Variants in HORMAD2 observed in about 807,000 individuals in gnomAD.
HORMAD2 encodes HORMA domain-containing protein 2.
A neutral mutation model predicts 38.8 loss-of-function variants in HORMAD2; 45 were observed. The ratio of observed to expected loss-of-function variants is 1.16; its 90% CI spans 0.91 to 1.49. The LOEUF is 1.49. Among genes scored for constraint, HORMAD2 ranks in the 40% most tolerant of loss-of-function variants. The pLI is 0.00. For missense variants in HORMAD2, 338 were observed against 367.0 expected, an observed-to-expected ratio of 0.92 and a Z score of 0.65; for synonymous variants, 126 against 122.8, an observed-to-expected ratio of 1.03 and a Z score of -0.17.
chr22:30,152,801 A>G (rs889861216), intron 10 of HORMAD2, among the ~76,000 whole-genome samples: 1 of 152,074 alleles, frequency 6.6e-6, no homozygotes, highest in Non-Finnish European at 1.5e-5. Flanking sequence ...ACATCCCCCA[A>G]AATCTTTGAT....
the HORMAD2 span, among the ~76,000 whole-genome samples, chr22:30,193,827 G>C: frequency 6.6e-6 from 1 of 152,198 alleles, no homozygotes; most frequent in African/African-American, 2.4e-5. Context: ...GTTTTCATGA[G>C]TGGAATGCTA....
At chr22:30,085,381 T>C (rs146556905) in intron 1 of HORMAD2, among the ~76,000 whole-genome samples, 1 of 152,294 alleles carries the variant, frequency 6.6e-6, no homozygotes, top group East Asian at 1.9e-4. Flanking sequence ...ATACACTAAA[T>C]TGATGGTTTA....
the HORMAD2 span, chr22:30,184,624 T>C: frequency 6.6e-6 from 1 of 152,220 alleles, no homozygotes; most frequent in Admixed American, 6.5e-5. Context: ...AGACTCAGGT[T>C]GCATTCGATG....
At chr22:30,161,907 T>G (rs891281399) in intron 10 of HORMAD2, among the ~76,000 whole-genome samples, 1 of 152,156 alleles carries the variant, frequency 6.6e-6, no homozygotes, top group African/African-American at 2.4e-5. Flanking sequence ...GATATGAAAC[T>G]TCATATTTTT....
At chr22:30,086,383 G>A (rs187363025) in intron 1 of HORMAD2, among the ~76,000 whole-genome samples, 31 of 152,324 alleles carry the variant, frequency 2.0e-4, no homozygotes, top group African/African-American at 7.0e-4. Flanking sequence ...ATTGGGAATG[G>A]AGGAGGATGT....
intron 10 of HORMAD2, among the ~76,000 whole-genome samples, chr22:30,122,513 A>T (rs5763787): frequency 0.24 from 35,823 of 152,108 alleles, 6,579 homozygotes; most frequent in African/African-American, 0.51. Flanking sequence ...AAATGACATA[A>T]TTTTAGGGTT....
At chr22:30,138,160 T>C (rs1273447251) in intron 10 of HORMAD2, among the ~76,000 whole-genome samples, 1 of 152,188 alleles carries the variant, frequency 6.6e-6, no homozygotes, top group Non-Finnish European at 1.5e-5. Context: ...CTCTAATGAC[T>C]AATGATGTCA....
intron 1 of HORMAD2, among the ~76,000 whole-genome samples, chr22:30,089,200 C>T (rs1193593260): frequency 2.0e-5 from 3 of 152,070 alleles, no homozygotes; most frequent in African/African-American, 4.8e-5. Context: ...ACACAAAAAC[C>T]GGTCACAGGC....
At chr22:30,133,642 C>A (rs2412973) in intron 10 of HORMAD2, among the ~76,000 whole-genome samples, 80,039 of 148,508 alleles carry the variant, frequency 0.54, 22,206 homozygotes, top group African/African-American at 0.68. Context: ...CTGTTAAAAA[C>A]AAAAAACAAA....
intron 10 of HORMAD2, among the ~76,000 whole-genome samples, chr22:30,125,266 C>T (rs1454294221): frequency 1.7e-5 from 2 of 118,584 alleles, no homozygotes; most frequent in Non-Finnish European, 3.4e-5. Context: ...CTCTTGTTGC[C>T]CAGCAGGCCT....
the HORMAD2 span, chr22:30,207,275 C>A: frequency 3.0e-6 from 1 of 331,706 alleles, no homozygotes; most frequent in South Asian, 2.4e-5. Flanking sequence ...TTGGGGCTGC[C>A]AGCACAGTTT....
At chr22:30,107,018 G>T (rs5763775) in intron 5 of HORMAD2, among the ~76,000 whole-genome samples, 106,781 of 152,144 alleles carry the variant, frequency 0.7, 38,476 homozygotes, top group South Asian at 0.87. Context: ...ATCTAAAATG[G>T]TTAGAACAAT....
At chr22:30,078,462 C>T (rs142542779), upstream of HORMAD2, among the ~76,000 whole-genome samples, 10,979 of 150,946 alleles carry the variant, frequency 0.073, 712 homozygotes, top group South Asian at 0.24. Context: ...AAAAATCAGC[C>T]GGGCATGGTG....
At chr22:30,081,002 T>G (rs938471160) in intron 1 of HORMAD2, 2 of 152,490 alleles carry the variant, frequency 1.3e-5, no homozygotes, top group African/African-American at 4.8e-5. Flanking sequence ...TGACCTCAGC[T>G]CCCCTTTCAC....
At chr22:30,142,290 A>G (rs1034137540) in intron 10 of HORMAD2, among the ~76,000 whole-genome samples, 1 of 152,206 alleles carries the variant, frequency 6.6e-6, no homozygotes, top group Non-Finnish European at 1.5e-5. Flanking sequence ...TTGACTCAAA[A>G]AAAAGTAAAT....
chr22:30,124,048 T>C (rs1922656695), intron 10 of HORMAD2, among the ~76,000 whole-genome samples: 1 of 151,984 alleles, frequency 6.6e-6, no homozygotes, highest in Non-Finnish European at 1.5e-5. Flanking sequence ...GTTCAACTAA[T>C]AGATTAAATA....
chr22:30,129,660 G>A (rs1439970599), intron 10 of HORMAD2, among the ~76,000 whole-genome samples: 2 of 151,868 alleles, frequency 1.3e-5, no homozygotes, highest in Non-Finnish European at 2.9e-5. Flanking sequence ...GTGTGGGAAA[G>A]TTTCATTAAG....
intron 10 of HORMAD2, among the ~76,000 whole-genome samples, chr22:30,159,748 A>AT (rs951333040): frequency 4.5e-4 from 68 of 149,454 alleles, no homozygotes; most frequent in East Asian, 2.9e-3. Flanking sequence ...GAAAATGCTC[A>AT]TTTTTTTTTT....
intron 2 of HORMAD2, among the ~76,000 whole-genome samples, chr22:30,098,255 A>G (rs188446214): frequency 2.0e-5 from 3 of 152,342 alleles, no homozygotes; most frequent in Admixed American, 2.0e-4. Flanking sequence ...GAAGACAGCT[A>G]TAAAAGAGAA....
Sources: allele counts gnomAD v4.1 joint callset (sites outside exome capture counted in the v4.1 genomes callset), GRCh38; gene constraint gnomAD v4.1.1; transcripts MANE v1.5; gene names NCBI Gene and HGNC (gene_info 2026-07-23, HGNC 2026-07-21).